GRM8: variants seen among roughly 807,000 people sequenced by gnomAD.
The protein encoded by GRM8 is metabotropic glutamate receptor 8.
GRM8 carries 47 observed loss-of-function variants against 87.2 expected under a neutral mutation model. The ratio of observed to expected loss-of-function variants is 0.54; its 90% CI spans 0.43 to 0.69. The LOEUF is 0.69. Ranked by LOEUF, GRM8 falls within the 30% of genes least tolerant of loss-of-function variation. The pLI is 0.00. For synonymous variants in GRM8, 396 were observed against 404.5 expected, an observed-to-expected ratio of 0.98 and a Z score of 0.25; for missense variants, 1,019 against 1,139.2, an observed-to-expected ratio of 0.89 and a Z score of 1.52.
At chr7:126,719,468 T>G (rs1812129632) in intron 7 of GRM8, among the ~76,000 whole-genome samples, 1 of 152,226 alleles carries the variant, frequency 6.6e-6, no homozygotes, top group Non-Finnish European at 1.5e-5. Flanking sequence ...CTGGTTCAGG[T>G]ATTGTACTAA....
intron 2 of GRM8, among the ~76,000 whole-genome samples, chr7:127,164,975 G>T (rs1391756415): frequency 2.0e-5 from 3 of 151,278 alleles, no homozygotes; most frequent in Non-Finnish European, 4.4e-5. Flanking sequence ...GCTAATACTA[G>T]GCATTCAGTC....
At chr7:126,953,620 C>T (rs1808379740) in intron 3 of GRM8, among the ~76,000 whole-genome samples, 1 of 152,028 alleles carries the variant, frequency 6.6e-6, no homozygotes, top group African/African-American at 2.4e-5. Context: ...TCTACTCCTC[C>T]ACCTCATTCT....
chr7:126,862,866 TGCCATGG>T (rs570323511), intron 6 of GRM8, among the ~76,000 whole-genome samples: 2 of 152,248 alleles, frequency 1.3e-5, no homozygotes, highest in South Asian at 4.1e-4. Context: ...TGATCGATTT[TGCCATGG>T]GCTTGTCTAT....
intron 7 of GRM8, among the ~76,000 whole-genome samples, chr7:126,625,969 C>A (rs1248473887): frequency 6.6e-6 from 1 of 151,802 alleles, no homozygotes; most frequent in Non-Finnish European, 1.5e-5. Flanking sequence ...TACTTGAAGC[C>A]CTTTATTATT....
chr7:126,639,018 C>A (rs914228995), intron 7 of GRM8, among the ~76,000 whole-genome samples: 8 of 152,176 alleles, frequency 5.3e-5, no homozygotes, highest in Non-Finnish European at 8.8e-5. Flanking sequence ...TCCACTGGAG[C>A]TACACGCTGG....
At chr7:126,987,453 T>TG (rs1302132308) in intron 3 of GRM8, among the ~76,000 whole-genome samples, 3 of 151,828 alleles carry the variant, frequency 2.0e-5, no homozygotes, top group Admixed American at 1.3e-4. Context: ...CAGTTTTTTT[T>TG]TTTGTTTTTT....
intron 3 of GRM8, among the ~76,000 whole-genome samples, chr7:127,063,267 A>G (rs192306336): frequency 6.6e-6 from 1 of 150,644 alleles, no homozygotes; most frequent in Admixed American, 6.6e-5. Context: ...AAACAAACAA[A>G]CAAACAAAAA....
intron 7 of GRM8, among the ~76,000 whole-genome samples, chr7:126,699,469 T>C (rs1401746741): frequency 6.6e-6 from 1 of 152,178 alleles, no homozygotes; most frequent in African/African-American, 2.4e-5. Flanking sequence ...TTTCATGAGA[T>C]GCCTAAGGAT....
At chr7:126,967,922 C>CA (rs1371844122) in intron 3 of GRM8, among the ~76,000 whole-genome samples, 9 of 152,168 alleles carry the variant, frequency 5.9e-5, no homozygotes, top group Non-Finnish European at 1.0e-4. Flanking sequence ...CTGCCTTAAG[C>CA]CTCCATGACT....
intron 2 of GRM8, among the ~76,000 whole-genome samples, chr7:127,207,854 GC>G (rs1468386741): frequency 1.3e-5 from 2 of 152,124 alleles, no homozygotes; most frequent in African/African-American, 4.8e-5. Flanking sequence ...ATTGCCTAAG[GC>G]CATGCCAGGC....
At chr7:126,892,483 T>C (rs1018482138) in intron 6 of GRM8, among the ~76,000 whole-genome samples, 1 of 152,122 alleles carries the variant, frequency 6.6e-6, no homozygotes, top group African/African-American at 2.4e-5. Context: ...TTTTTATGGC[T>C]GCATAGTATT....
At chr7:126,606,254 A>G (rs1449335401) in intron 8 of GRM8, among the ~76,000 whole-genome samples, 1 of 152,048 alleles carries the variant, frequency 6.6e-6, no homozygotes, top group East Asian at 1.9e-4. Flanking sequence ...TTCTAATGGG[A>G]CCTTCGCTTT....
intron 8 of GRM8, among the ~76,000 whole-genome samples, chr7:126,573,943 T>C (rs569903808): frequency 1.3e-5 from 2 of 152,280 alleles, no homozygotes; most frequent in Admixed American, 6.5e-5. Flanking sequence ...GATGAAGAAG[T>C]TGAGGTATAA....
At chr7:126,579,876 A>G (rs1482779560) in intron 8 of GRM8, among the ~76,000 whole-genome samples, 2 of 152,160 alleles carry the variant, frequency 1.3e-5, no homozygotes, top group African/African-American at 4.8e-5. Context: ...AAATTTTGAA[A>G]TGATATATCT....
chr7:127,252,817 C>T lies in GRM8; in HGVS notation c.-332G>A, dbSNP rs990932582. On this transcript the variant is annotated 5_prime_UTR_variant, in exon 1 of 11. Transcript: ENST00000339582. The surrounding 1 kb of genome is among the most constrained non-coding windows in gnomAD (Gnocchi z 4.9). Reference sequence around the variant, plus strand: ...CTTACCCTGCTCCCCGCAGAGGGCGCGGTGAGGAAGCCCGCCGGGGGCCCG... The same window carrying T: ...CTTACCCTGCTCCCCGCAGAGGGCGTGGTGAGGAAGCCCGCCGGGGGCCCG... 5.5e-5 allele frequency: 11 copies of T among 201,646 alleles called. No individual in the cohort carries two copies. The highest frequency in any genetic ancestry group is 9.6e-5 in the Non-Finnish European group (10 of 103,708). 12.5% of individuals were successfully genotyped at this position (201,646 alleles called of 1,614,324 possible). A position where few individuals can be genotyped will look rare whatever the true frequency, so the allele number is the denominator to read the frequency against.
chr7:127,217,931 G>A (rs1436827589), intron 2 of GRM8, among the ~76,000 whole-genome samples: 1 of 152,196 alleles, frequency 6.6e-6, no homozygotes, highest in African/African-American at 2.4e-5. Context: ...CCTCTGGCCA[G>A]TCTGAAGTCC....
intron 2 of GRM8, among the ~76,000 whole-genome samples, chr7:127,180,485 T>C (rs1480090151): frequency 6.6e-6 from 1 of 151,998 alleles, no homozygotes; most frequent in Non-Finnish European, 1.5e-5. Flanking sequence ...GGACTCCTCC[T>C]TAATTCATCT....
rs138804328 is a variant in GRM8 at position 126,583,755 on chromosome 7, C to CAA, written c.1494+25605_1494+25606dup. The stretch of plus-strand genomic sequence containing the variant: ...TGAGTAACTGCTTCCTATGAATGAG[C>CAA]AAAAAAAGTGGTTTCTTGAGACAGA... On this transcript the variant is annotated intron_variant, in intron 8 of 10. Coordinates refer to ENST00000339582, the MANE Select transcript of GRM8 (RefSeq NM_000845.3). 3.0e-4 allele frequency among the ~76,000 whole-genome samples: 45 copies of CAA among 151,946 alleles called. 1 individual carries two copies. The highest frequency in any genetic ancestry group is 1.0e-3 in the African/African-American group (43 of 41,444).
At chr7:126,995,294 A>G (rs1317435950) in intron 3 of GRM8, among the ~76,000 whole-genome samples, 1 of 152,234 alleles carries the variant, frequency 6.6e-6, no homozygotes, top group Non-Finnish European at 1.5e-5. Context: ...TTTAATGCCC[A>G]GACACAGACA....
Sources: gnomAD v4.1 joint callset for allele counts (sites outside exome capture counted in the v4.1 genomes callset) on GRCh38, gnomAD v4.1.1 for gene constraint, Gnocchi (gnomAD v3.1) non-coding constraint, MANE v1.5 for transcripts, NCBI Gene and HGNC (gene_info 2026-07-23, HGNC 2026-07-21) for gene names.